Variants in COL22A1 observed in about 807,000 individuals in gnomAD.
COL22A1 encodes the protein collagen alpha-1(XXII) chain.
In COL22A1, 221 loss-of-function variants were observed where a neutral mutation model predicts 248.9. That is an observed-to-expected ratio of 0.89 (90% CI 0.80 to 0.99). The LOEUF is 0.99. Among genes scored for constraint, COL22A1 ranks in the 50% least tolerant of loss-of-function variants. COL22A1 has a pLI of 0.00. For synonymous variants in COL22A1, 891 were observed against 793.4 expected (o/e 1.12, Z -2.07); for missense variants, 2,240 against 2,179.0 (o/e 1.03, Z -0.56).
chr8:138,663,634 T>C, intron 42 of COL22A1, 71 bp downstream of exon 42: 1 of 1,260,448 alleles, frequency 7.9e-7, no homozygotes. Flanking sequence ...GTGCTTCCCA[T>C]TTAAAACTGC....
chr8:138,789,528 C>T (rs1164465536), intron 12 of COL22A1, among the ~76,000 whole-genome samples: 1 of 152,174 alleles, frequency 6.6e-6, no homozygotes, highest in Non-Finnish European at 1.5e-5. Flanking sequence ...AGAAGTTTCA[C>T]AAATATAAAG....
intron 3 of COL22A1, among the ~76,000 whole-genome samples, chr8:138,873,542 T>C (rs1823500807): frequency 6.6e-6 from 1 of 152,234 alleles, no homozygotes; most frequent in African/African-American, 2.4e-5. Flanking sequence ...GCGAAGCTTA[T>C]ATCCTTGTGT....
At chr8:138,739,791 G>A (rs970518338) in intron 22 of COL22A1, among the ~76,000 whole-genome samples, 8 of 152,190 alleles carry the variant, frequency 5.3e-5, no homozygotes, top group Non-Finnish European at 1.2e-4. Flanking sequence ...GATACAACTT[G>A]GAGATTTGTT....
intron 22 of COL22A1, among the ~76,000 whole-genome samples, chr8:138,746,366 A>G (rs866338079): frequency 9.8e-5 from 15 of 152,356 alleles, no homozygotes; most frequent in South Asian, 2.1e-4. Flanking sequence ...ATGACAGGTC[A>G]TGGCAAGGGA....
At chr8:138,717,197 G>A (rs891228637) in intron 27 of COL22A1, among the ~76,000 whole-genome samples, 1 of 151,736 alleles carries the variant, frequency 6.6e-6, no homozygotes, top group African/African-American at 2.4e-5. Flanking sequence ...ACTCAGGCTG[G>A]AGTGCAGTGG....
At chr8:138,618,250 T>C (rs1819493182) in intron 53 of COL22A1, among the ~76,000 whole-genome samples, 2 of 152,210 alleles carry the variant, frequency 1.3e-5, no homozygotes, top group African/African-American at 4.8e-5. Flanking sequence ...AATGACAAAG[T>C]AAAGGCTGAA....
chr8:138,675,451 T>G (rs1825433420), intron 41 of COL22A1, among the ~76,000 whole-genome samples: 1 of 152,242 alleles, frequency 6.6e-6, no homozygotes, highest in African/African-American at 2.4e-5. Context: ...GACCATGTAT[T>G]ACTCCAGTTT....
chr8:138,760,386 C>A, intron 17 of COL22A1, 99 bp from the exon 18 acceptor site: 1 of 1,113,762 alleles, frequency 9.0e-7, no homozygotes, highest in Non-Finnish European at 1.3e-6. Context: ...CCCACTGTGG[C>A]TAGACTTTTC....
At chr8:138,872,425 C>A (rs1460002147) in intron 3 of COL22A1, among the ~76,000 whole-genome samples, 1 of 152,162 alleles carries the variant, frequency 6.6e-6, no homozygotes, top group Non-Finnish European at 1.5e-5. Context: ...GCAAGGGACT[C>A]CCTGGCTGTG....
rs556169093 is a variant in COL22A1, at chr8:138,875,390, C to G, written c.658+2360G>C. On this transcript the variant is annotated intron_variant, in intron 3 of 64. Transcript: ENST00000303045. ...GCCATCCCTGGGCATGAAGCTCCTG[C>G]TGAGATCCAGAACCACTCTGAACCA... Among the ~76,000 whole-genome samples, 69 of 152,186 alleles carry G rather than the reference C, an allele frequency of 4.5e-4. No homozygotes were observed. In the South Asian group the frequency reaches 0.014, roughly 30 times the overall value.
chr8:138,873,548 T>C (rs1446333515), intron 3 of COL22A1, among the ~76,000 whole-genome samples: 1 of 152,156 alleles, frequency 6.6e-6, no homozygotes, highest in East Asian at 1.9e-4. Flanking sequence ...CTTATATCCT[T>C]GTGTGTGAAG....
chr8:138,648,905 C>T (rs1822442851), intron 46 of COL22A1, among the ~76,000 whole-genome samples: 1 of 152,198 alleles, frequency 6.6e-6, no homozygotes, highest in Admixed American at 6.5e-5. Flanking sequence ...CTGTAATGGA[C>T]TTTATCTGCT....
rs987756287 is a variant in COL22A1 at position 138,673,421 on chromosome 8, C to A, written c.3150+3137G>T. Among the ~76,000 whole-genome samples the A allele has an allele frequency of 2.6e-5, 4 of 152,014 alleles. No individual in the cohort carries two copies. The East Asian group carries it at 7.8e-4, about 30-fold the overall frequency. ...GACAGGGTTTCACCATGTTGCCAGG[C>A]TGGTTTCAAACTCCTGACCTCAGGT... On this transcript the variant is annotated intron_variant, in intron 41 of 64. Coordinates refer to ENST00000303045, the MANE Select transcript of COL22A1 (RefSeq NM_152888.3).
intron 23 of COL22A1, among the ~76,000 whole-genome samples, chr8:138,726,985 G>T (rs988317749): frequency 6.6e-6 from 1 of 152,136 alleles, no homozygotes; most frequent in Non-Finnish European, 1.5e-5. Flanking sequence ...ATAAGCAGGG[G>T]CGAGCTGGAA....
At chr8:138,682,294 G>A (rs1302656084) in intron 39 of COL22A1, among the ~76,000 whole-genome samples, 1 of 152,228 alleles carries the variant, frequency 6.6e-6, no homozygotes, top group Admixed American at 6.5e-5. Context: ...CTCTGGAGAA[G>A]TGCCAGCTGA....
intron 12 of COL22A1, among the ~76,000 whole-genome samples, chr8:138,794,954 G>C (rs1273524952): frequency 1.3e-5 from 2 of 152,132 alleles, no homozygotes; most frequent in African/African-American, 4.8e-5. Context: ...TCTCAGTTAA[G>C]CAAAACGAAT....
At chr8:138,817,622 CCT>C (rs1818779163) in intron 7 of COL22A1, among the ~76,000 whole-genome samples, 1 of 152,094 alleles carries the variant, frequency 6.6e-6, no homozygotes, top group Non-Finnish European at 1.5e-5. Flanking sequence ...TTTCCAATCC[CCT>C]GTTTAGGGGT....
chr8:138,703,723 G>T (rs909260643), intron 30 of COL22A1, among the ~76,000 whole-genome samples: 3 of 152,294 alleles, frequency 2.0e-5, no homozygotes, highest in East Asian at 3.9e-4. Flanking sequence ...TAATGCAGAA[G>T]ACAGGTGATT....
chr8:138,673,164 C>T (rs1172237526), intron 41 of COL22A1, among the ~76,000 whole-genome samples: 1 of 151,554 alleles, frequency 6.6e-6, no homozygotes. Context: ...GGGAGCATGA[C>T]ATCACGGGAG....
Sources: gnomAD v4.1 joint callset for allele counts (sites outside exome capture counted in the v4.1 genomes callset) on GRCh38, gnomAD v4.1.1 for gene constraint, MANE v1.5 for transcripts, NCBI Gene and HGNC (gene_info 2026-07-23, HGNC 2026-07-21) for gene names.